Variants in PRKG1 observed in about 807,000 individuals in gnomAD.
The protein encoded by PRKG1 is protein kinase cGMP-dependent 1.
Under a neutral mutation model 88.1 loss-of-function variants are expected in PRKG1, and 35 were observed. The ratio of observed to expected loss-of-function variants is 0.40; its 90% CI spans 0.30 to 0.53. The LOEUF is 0.53. PRKG1 is among the 20% of genes least tolerant of loss of function. The pLI is 0.59. For synonymous variants in PRKG1, 303 were observed against 292.5 expected (o/e 1.04, Z -0.37); for missense variants, 540 against 839.8 (o/e 0.64, Z 4.41).
At chr10:51,199,164 G>T (rs1837848959) in intron 2 of PRKG1, among the ~76,000 whole-genome samples, 1 of 152,166 alleles carries the variant, frequency 6.6e-6, no homozygotes, top group African/African-American at 2.4e-5. Context: ...GTCTACACAT[G>T]TTATCAGTCT....
intron 1 of PRKG1, among the ~76,000 whole-genome samples, chr10:51,096,229 T>C (rs1160905851): frequency 6.6e-6 from 1 of 152,180 alleles, no homozygotes; most frequent in East Asian, 1.9e-4. Flanking sequence ...TTGAAACCGA[T>C]CCAGGACTCT....
chr10:52,145,081 C>CCATT (rs1837694750), intron 8 of PRKG1, among the ~76,000 whole-genome samples: 1 of 152,090 alleles, frequency 6.6e-6, no homozygotes, highest in South Asian at 2.1e-4. Context: ...CAGCAGATGT[C>CCATT]CATTGGCAGT....
intron 1 of PRKG1, among the ~76,000 whole-genome samples, chr10:50,996,952 A>T (rs1185645999): frequency 6.6e-6 from 1 of 152,246 alleles, no homozygotes; most frequent in African/African-American, 2.4e-5. Context: ...AAGGGAAAGG[A>T]AAATTTTTAG....
chr10:51,465,321 T>C (rs1221565722), intron 2 of PRKG1, among the ~76,000 whole-genome samples: 1 of 152,188 alleles, frequency 6.6e-6, no homozygotes, highest in Non-Finnish European at 1.5e-5. Flanking sequence ...GCATGGCCCA[T>C]AGGTTTCTTT....
chr10:51,624,079 A>C (rs1188766657), intron 3 of PRKG1, among the ~76,000 whole-genome samples: 1 of 152,182 alleles, frequency 6.6e-6, no homozygotes, highest in Non-Finnish European at 1.5e-5. Context: ...ATGACAGAAA[A>C]GTGACTCTCT....
intron 8 of PRKG1, among the ~76,000 whole-genome samples, chr10:52,151,840 A>G (rs1837935907): frequency 6.6e-6 from 1 of 152,208 alleles, no homozygotes; most frequent in Non-Finnish European, 1.5e-5. Flanking sequence ...CTTTTAATTG[A>G]AAATGAAAGT....
chr10:52,244,576 T>C (rs1164509692), intron 9 of PRKG1, among the ~76,000 whole-genome samples: 1 of 151,114 alleles, frequency 6.6e-6, no homozygotes, highest in Non-Finnish European at 1.5e-5. Context: ...AATCACATCT[T>C]CCTTTTTAAA....
At chr10:51,682,119 ATT>A in intron 3 of PRKG1, among the ~76,000 whole-genome samples, 1 of 152,106 alleles carries the variant, frequency 6.6e-6, no homozygotes, top group Non-Finnish European at 1.5e-5. Context: ...TCCTGATACC[ATT>A]TCTATTGGTT....
intron 9 of PRKG1, among the ~76,000 whole-genome samples, chr10:52,184,131 T>C (rs1839122263): frequency 6.6e-6 from 1 of 152,242 alleles, no homozygotes; most frequent in South Asian, 2.1e-4. Flanking sequence ...TTCGTCAATC[T>C]ATATTATTTT....
chr10:52,123,704 T>C (rs1390055922), intron 7 of PRKG1, among the ~76,000 whole-genome samples: 1 of 152,152 alleles, frequency 6.6e-6, no homozygotes, highest in Non-Finnish European at 1.5e-5. Context: ...GTATAGGTAC[T>C]CCAAAATTAC....
intron 12 of PRKG1, among the ~76,000 whole-genome samples, chr10:52,277,991 A>C (rs1407327724): frequency 6.6e-6 from 1 of 152,142 alleles, no homozygotes; most frequent in Non-Finnish European, 1.5e-5. Flanking sequence ...CTCAAATCAC[A>C]ATTAGACAGT....
chr10:50,991,298 G>C lies in PRKG1; in HGVS notation c.-81G>C. On this transcript the variant is annotated 5_prime_UTR_variant, in exon 1 of 18. Transcript: ENST00000401604. This position sits in a 1 kb window ranked among gnomAD's most constrained non-coding sequence, Gnocchi z 4.5. Reference sequence around the variant, plus strand: ...TCGCTCACCCGCGCTCTCCGCTGCCGGCTGCCGTCCCAGCCGCCGCCGCCG... The same window carrying C: ...TCGCTCACCCGCGCTCTCCGCTGCCCGCTGCCGTCCCAGCCGCCGCCGCCG... The C allele has an allele frequency of 3.6e-6, 5 of 1,382,562 alleles. No individual in the cohort carries two copies. The South Asian group carries it at 5.5e-5, about 15-fold the overall frequency. 85.6% of individuals were successfully genotyped at this position (1,382,562 alleles called of 1,614,324 possible).
chr10:52,003,662 C>T (rs569805623), intron 5 of PRKG1, among the ~76,000 whole-genome samples: 2 of 152,280 alleles, frequency 1.3e-5, no homozygotes, highest in South Asian at 2.1e-4. Context: ...CAGGAATATC[C>T]GTCTGGGGAA....
intron 2 of PRKG1, among the ~76,000 whole-genome samples, chr10:51,435,391 G>A (rs1838893770): frequency 6.8e-6 from 1 of 146,060 alleles, no homozygotes. Flanking sequence ...ACTTGCACTT[G>A]CCTACACCCA....
intron 9 of PRKG1, among the ~76,000 whole-genome samples, chr10:52,163,223 G>A (rs929978498): frequency 7.0e-6 from 1 of 143,872 alleles, no homozygotes; most frequent in Non-Finnish European, 1.5e-5. Context: ...CTTTTCGTGT[G>A]TTTGTGTGTG....
chr10:52,229,592 G>A (rs1840475510), intron 9 of PRKG1, among the ~76,000 whole-genome samples: 5 of 152,172 alleles, frequency 3.3e-5, no homozygotes, highest in Admixed American at 2.0e-4. Flanking sequence ...CAGACTTTGT[G>A]AATGCCTCTC....
At chr10:52,226,356 T>G (rs1840388673) in intron 9 of PRKG1, among the ~76,000 whole-genome samples, 1 of 152,150 alleles carries the variant, frequency 6.6e-6, no homozygotes, top group Non-Finnish European at 1.5e-5. Flanking sequence ...GTTAGATTGA[T>G]AAACACTAAA....
At chr10:51,734,227 G>A (rs977717188) in intron 3 of PRKG1, among the ~76,000 whole-genome samples, 3 of 152,044 alleles carry the variant, frequency 2.0e-5, no homozygotes, top group East Asian at 1.9e-4. Context: ...GATGATCAAG[G>A]TATGCATTTT....
intron 4 of PRKG1, among the ~76,000 whole-genome samples, chr10:51,833,986 A>G (rs1399935692): frequency 6.6e-6 from 1 of 152,168 alleles, no homozygotes. Flanking sequence ...TGTTTCACTT[A>G]ATATAATGTC....
Sources: gnomAD v4.1 joint callset for allele counts (sites outside exome capture counted in the v4.1 genomes callset) on GRCh38, gnomAD v4.1.1 for gene constraint, Gnocchi (gnomAD v3.1) non-coding constraint, MANE v1.5 for transcripts, NCBI Gene and HGNC (gene_info 2026-07-23, HGNC 2026-07-21) for gene names.